The following TENM3 variants were observed in gnomAD, a reference collection of about 807,000 sequenced individuals.
The protein encoded by TENM3 is teneurin transmembrane protein 3.
Under a neutral mutation model 255.1 loss-of-function variants are expected in TENM3, and 63 were observed. The observed-to-expected ratio is 0.25, with a 90% CI of 0.20 to 0.30. TENM3 has a LOEUF of 0.30. TENM3 is among the 10% of genes least tolerant of loss of function. TENM3 has a pLI of 1.00. For missense variants in TENM3, 2,929 were observed against 3,461.1 expected (o/e 0.85, Z 3.86); for synonymous variants, 1,306 against 1,322.3 (o/e 0.99, Z 0.27).
chr4:181,743,403 G>T, the TENM3 span, among the ~76,000 whole-genome samples: 13 of 152,258 alleles, frequency 8.5e-5, no homozygotes, highest in African/African-American at 3.1e-4. Flanking sequence ...TTGTGGTTTT[G>T]ATTTGCATTT....
the TENM3 span, among the ~76,000 whole-genome samples, chr4:181,760,108 A>G: frequency 6.6e-6 from 1 of 152,150 alleles, no homozygotes. Context: ...ACTTTAACAA[A>G]TTTCAAAACA....
chr4:182,314,042 G>C (rs773754039), intron 1 of TENM3, among the ~76,000 whole-genome samples: 31 of 152,150 alleles, frequency 2.0e-4, no homozygotes, highest in Non-Finnish European at 4.3e-4. Flanking sequence ...GCTGGGCGTG[G>C]TGGCTCATGC....
intron 3 of TENM3, among the ~76,000 whole-genome samples, chr4:182,577,798 A>G (rs1745081199): frequency 6.6e-6 from 1 of 152,194 alleles, no homozygotes; most frequent in Non-Finnish European, 1.5e-5. Flanking sequence ...ATGATTCCTC[A>G]AGTACTCAGA....
intron 18 of TENM3, among the ~76,000 whole-genome samples, chr4:182,741,290 G>A (rs1047915430): frequency 1.3e-5 from 2 of 152,226 alleles, no homozygotes; most frequent in African/African-American, 4.8e-5. Context: ...GACAAGTAGT[G>A]GCTTTCCAAA....
At chr4:182,022,751 T>C in the TENM3 span, among the ~76,000 whole-genome samples, 1 of 152,176 alleles carries the variant, frequency 6.6e-6, no homozygotes, top group Non-Finnish European at 1.5e-5. Context: ...AAATAGTATA[T>C]CATTTCCTAG....
At chr4:181,893,486 T>TCCCC in the TENM3 span, among the ~76,000 whole-genome samples, 7 of 11,374 alleles carry the variant, frequency 6.2e-4, no homozygotes, top group Middle Eastern at 0.1. Context: ...CACTTTCCCC[T>TCCCC]GCCCACCCCC....
chr4:181,490,060 T>C, the TENM3 span, among the ~76,000 whole-genome samples: 27 of 152,226 alleles, frequency 1.8e-4, no homozygotes, highest in Non-Finnish European at 3.5e-4. Context: ...ATATTAGTTG[T>C]ACCTATTTGT....
chr4:182,100,708 CACACAT>C, the TENM3 span, among the ~76,000 whole-genome samples: 1 of 13,810 alleles, frequency 7.2e-5, no homozygotes, highest in Non-Finnish European at 1.7e-4. Flanking sequence ...CATATATATA[CACACAT>C]ATATATACAC....
At chr4:181,854,190 T>C in the TENM3 span, among the ~76,000 whole-genome samples, 323 of 152,340 alleles carry the variant, frequency 2.1e-3, 1 homozygote, top group African/African-American at 7.2e-3. Flanking sequence ...ACAATTTATT[T>C]CAAATCAATG....
chr4:182,383,451 G>A (rs937109126), intron 3 of TENM3, among the ~76,000 whole-genome samples: 1 of 151,826 alleles, frequency 6.6e-6, no homozygotes, highest in Non-Finnish European at 1.5e-5. Context: ...AGCAGCAGTT[G>A]TTTTAAAAAA....
At chr4:182,331,384 A>G (rs1286086467) in intron 2 of TENM3, among the ~76,000 whole-genome samples, 1 of 152,048 alleles carries the variant, frequency 6.6e-6, no homozygotes, top group Non-Finnish European at 1.5e-5. Context: ...GGTCTCTACT[A>G]AAAATACAAA....
chr4:182,312,402 T>C (rs1233490232), intron 1 of TENM3, among the ~76,000 whole-genome samples: 2 of 152,118 alleles, frequency 1.3e-5, no homozygotes, highest in South Asian at 2.1e-4. Context: ...GAGGTTATTA[T>C]TATTACTGTG....
the TENM3 span, among the ~76,000 whole-genome samples, chr4:181,480,100 T>A: frequency 2.0e-5 from 3 of 152,186 alleles, 1 homozygote; most frequent in African/African-American, 2.4e-5. Context: ...TGTGAGTTTA[T>A]GTGCACAGTT....
At chr4:181,657,683 G>A in the TENM3 span, among the ~76,000 whole-genome samples, 3 of 152,062 alleles carry the variant, frequency 2.0e-5, no homozygotes, top group African/African-American at 7.2e-5. Flanking sequence ...AAAAAGACAA[G>A]TTCATCACAG....
At chr4:182,596,565 G>C (rs1747246548) in intron 3 of TENM3, among the ~76,000 whole-genome samples, 1 of 152,214 alleles carries the variant, frequency 6.6e-6, no homozygotes, top group South Asian at 2.1e-4. Flanking sequence ...GAGATAGAAA[G>C]ATGGAGGAAA....
At chr4:181,799,451 C>A in the TENM3 span, among the ~76,000 whole-genome samples, 1 of 152,092 alleles carries the variant, frequency 6.6e-6, no homozygotes, top group South Asian at 2.1e-4. Context: ...AATAAGTTGG[C>A]GGATATGCCA....
At chr4:181,754,053 A>G in the TENM3 span, among the ~76,000 whole-genome samples, 2 of 152,210 alleles carry the variant, frequency 1.3e-5, no homozygotes, top group Admixed American at 1.3e-4. Context: ...CTTTTTATAC[A>G]TATAGTTATG....
chr4:181,671,905 G>A, the TENM3 span, among the ~76,000 whole-genome samples: 1 of 152,074 alleles, frequency 6.6e-6, no homozygotes, highest in Non-Finnish European at 1.5e-5. Context: ...CTTGTCTCTG[G>A]CTCATGGGAT....
At position 182,517,678 on chromosome 4, in the gene TENM3, C is replaced by T. The variant is rs369939064; in HGVS notation, c.512-83246C>T. 1.9e-4 allele frequency among the ~76,000 whole-genome samples: 25 copies of T among 129,998 alleles called. 2 individuals carry two copies. The East Asian group carries it at 2.2e-3, about 11-fold the overall frequency. 85.3% of individuals were successfully genotyped at this position (129,998 alleles called of 152,430 possible). A position where few individuals can be genotyped will look rare whatever the true frequency, so the allele number is the denominator to read the frequency against. On this transcript the variant is annotated intron_variant, in intron 3 of 27. Transcript: ENST00000511685. Reference sequence around the variant, plus strand: ...GATTACAGGCGTGAGCCACCGCGCCCGGCCAAACAAAGTTCATTCTAACAT... The same window carrying T: ...GATTACAGGCGTGAGCCACCGCGCCTGGCCAAACAAAGTTCATTCTAACAT...
Sources: allele counts gnomAD v4.1 joint callset (sites outside exome capture counted in the v4.1 genomes callset), GRCh38; gene constraint gnomAD v4.1.1; transcripts MANE v1.5; gene names NCBI Gene and HGNC (gene_info 2026-07-23, HGNC 2026-07-21).